Variants in PCTP observed in about 807,000 individuals in gnomAD.
The protein encoded by PCTP is phosphatidylcholine transfer protein.
In PCTP, 27 loss-of-function variants were observed where a neutral mutation model predicts 31.0. That is an observed-to-expected ratio of 0.87 (90% CI 0.64 to 1.20). The LOEUF (loss-of-function observed/expected upper bound fraction) is 1.20, where lower values mean the gene tolerates loss of function less well. PCTP is among the 50% of genes most tolerant of loss of function. PCTP has a pLI of 0.00. For missense variants in PCTP, 287 were observed against 268.2 expected (o/e 1.07, Z -0.49); for synonymous variants, 108 against 101.2 (o/e 1.07, Z -0.40).
chr17:55,839,339 T>C (rs753180366), intron 5 of PCTP, among the ~76,000 whole-genome samples: 3 of 152,126 alleles, frequency 2.0e-5, no homozygotes, highest in African/African-American at 4.8e-5. Context: ...TTCATAAAAA[T>C]AGCAGGAAAG....
At chr17:55,765,347 C>T (rs564267753) in intron 1 of PCTP, among the ~76,000 whole-genome samples, 2 of 152,284 alleles carry the variant, frequency 1.3e-5, no homozygotes, top group African/African-American at 4.8e-5. Flanking sequence ...CTTAATTACC[C>T]CAAAAGCCCA....
chr17:55,807,404 A>G (rs1432018400), intron 3 of PCTP, among the ~76,000 whole-genome samples: 2 of 151,498 alleles, frequency 1.3e-5, no homozygotes, highest in Non-Finnish European at 2.9e-5. Flanking sequence ...AGACTGACAT[A>G]TGTATCAGAA....
chr17:55,754,776 A>G (rs778221213), intron 1 of PCTP, among the ~76,000 whole-genome samples: 1 of 152,130 alleles, frequency 6.6e-6, no homozygotes, highest in Non-Finnish European at 1.5e-5. Flanking sequence ...GCACCAACGT[A>G]CAAAAGACTG....
chr17:55,772,204 A>G (rs1280541936), intron 3 of PCTP, among the ~76,000 whole-genome samples: 1 of 152,206 alleles, frequency 6.6e-6, no homozygotes, highest in Non-Finnish European at 1.5e-5. Flanking sequence ...CTTTCCTGAA[A>G]CATTTAAGAA....
At chr17:55,778,231 G>C (rs561766214), downstream of PCTP, among the ~76,000 whole-genome samples, 498 of 143,286 alleles carry the variant, frequency 3.5e-3, 1 homozygote, top group Non-Finnish European at 5.9e-3. Context: ...AAAAAAAATA[G>C]AACTGGTGGT....
intron 2 of PCTP, among the ~76,000 whole-genome samples, chr17:55,784,932 TCCC>T (rs1043807167): frequency 2.0e-5 from 3 of 152,224 alleles, no homozygotes; most frequent in Admixed American, 2.0e-4. Flanking sequence ...GCATTTACTG[TCCC>T]CAACATCTGG....
rs1463575301 is a variant in PCTP, at chr17:55,751,517, G to A, written c.141+273G>A. ...GGCATGTAGTTAGAAGTTAATGACA[G>A]TTGAAACGTGGGTCAGCTGGTTCCT... On this transcript the variant is annotated intron_variant, in intron 1 of 5. Transcript: ENST00000268896. 4.1e-6 allele frequency: 6 copies of A among 1,456,292 alleles called. No homozygotes were observed. The South Asian group carries it at 4.9e-5, about 12-fold the overall frequency. The allele number at this position is 1,456,292 out of a possible 1,614,324, so 90.2% of individuals were successfully genotyped here.
At chr17:55,791,715 A>T (rs1461473468) in intron 3 of PCTP, among the ~76,000 whole-genome samples, 2 of 152,186 alleles carry the variant, frequency 1.3e-5, no homozygotes, top group African/African-American at 4.8e-5. Flanking sequence ...GTGGGATTGT[A>T]AACTAGTTCA....
At chr17:55,751,336 A>T in intron 1 of PCTP, 92 bp downstream of exon 1, 2 of 1,528,550 alleles carry the variant, frequency 1.3e-6, no homozygotes, top group Non-Finnish European at 1.8e-6. Context: ...CGCGGAAGGG[A>T]CAGGGGCGCG....
chr17:55,785,630 C>T (rs1274697383), intron 2 of PCTP, among the ~76,000 whole-genome samples: 2 of 152,228 alleles, frequency 1.3e-5, no homozygotes, highest in African/African-American at 2.4e-5. Flanking sequence ...TTCTCTCACA[C>T]CTTACCCAGT....
chr17:55,788,082 T>G (rs907384564), intron 3 of PCTP, among the ~76,000 whole-genome samples: 1 of 152,192 alleles, frequency 6.6e-6, no homozygotes, highest in Non-Finnish European at 1.5e-5. Flanking sequence ...AATAACCAAT[T>G]TCCTTTCTAC....
At chr17:55,767,270 T>C in intron 1 of PCTP, 65 bp from the exon 2 acceptor site, 2 of 977,716 alleles carry the variant, frequency 2.0e-6, no homozygotes, top group Non-Finnish European at 3.2e-6. Flanking sequence ...AGTTTAATTA[T>C]GTGGAATGCA....
chr17:55,847,264 C>T (rs1260945963), downstream of PCTP, among the ~76,000 whole-genome samples: 1 of 152,160 alleles, frequency 6.6e-6, no homozygotes, highest in Admixed American at 6.5e-5. Context: ...AAACTCTCAA[C>T]ATTTTGATCA....
intron 5 of PCTP, among the ~76,000 whole-genome samples, chr17:55,840,427 A>G (rs1336934549): frequency 1.3e-5 from 2 of 152,242 alleles, no homozygotes; most frequent in Non-Finnish European, 2.9e-5. Context: ...ACATCCATGT[A>G]GATAATTAAT....
At chr17:55,787,256 A>T in intron 2 of PCTP, among the ~76,000 whole-genome samples, 1 of 151,314 alleles carries the variant, frequency 6.6e-6, no homozygotes, top group Non-Finnish European at 1.5e-5. Flanking sequence ...GAAAACTCTT[A>T]TGTTCCAATC....
the PCTP span, among the ~76,000 whole-genome samples, chr17:55,850,565 C>A: frequency 6.6e-6 from 1 of 151,886 alleles, no homozygotes; most frequent in Non-Finnish European, 1.5e-5. Flanking sequence ...TGCAGTTATA[C>A]TTTGCAGGCT....
At chr17:55,808,511 T>C (rs1174281614) in intron 3 of PCTP, among the ~76,000 whole-genome samples, 1 of 152,214 alleles carries the variant, frequency 6.6e-6, no homozygotes, top group Non-Finnish European at 1.5e-5. Flanking sequence ...TAGGTTGTGG[T>C]TCACCTTTCC....
At chr17:55,772,056 A>T (rs1312711460) in intron 3 of PCTP, among the ~76,000 whole-genome samples, 2 of 152,230 alleles carry the variant, frequency 1.3e-5, no homozygotes, top group Non-Finnish European at 2.9e-5. Context: ...CTATATCAAG[A>T]TAATTCTTCC....
At chr17:55,757,214 A>G (rs1349867784) in intron 1 of PCTP, among the ~76,000 whole-genome samples, 1 of 150,694 alleles carries the variant, frequency 6.6e-6, no homozygotes, top group Non-Finnish European at 1.5e-5. Context: ...GTGTGTATAT[A>G]TGTATATATA....
Sources: allele counts gnomAD v4.1 joint callset (sites outside exome capture counted in the v4.1 genomes callset), GRCh38; gene constraint gnomAD v4.1.1; transcripts MANE v1.5; gene names NCBI Gene and HGNC (gene_info 2026-07-23, HGNC 2026-07-21).